Variants in FHIT observed in about 807,000 individuals in gnomAD.
The protein encoded by FHIT is bis(5'-adenosyl)-triphosphatase.
A neutral mutation model predicts 17.9 loss-of-function variants in FHIT; 19 were observed. The observed-to-expected ratio is 1.06, with a 90% confidence interval of 0.74 to 1.56. The LOEUF is 1.56. Ranked by LOEUF, FHIT falls within the 40% of genes most tolerant of loss-of-function variation. FHIT has a pLI of 0.00. For missense variants in FHIT, 248 were observed against 189.2 expected (o/e 1.31, Z -1.82); for synonymous variants, 81 against 69.7 (o/e 1.16, Z -0.81).
rs1224463209 is a variant in FHIT, at chr3:59,926,694, T to C, written c.280-4280A>G. Reference sequence around the variant, plus strand: ...AAAGCTTGAATTGTTTCAGTAAGGCTAGGAGAACAAAATTTAAAACCCCAT... The same window carrying C: ...AAAGCTTGAATTGTTTCAGTAAGGCCAGGAGAACAAAATTTAAAACCCCAT... On this transcript the variant is annotated intron_variant, in intron 7 of 9. Coordinates refer to ENST00000492590, the MANE Select transcript of FHIT (RefSeq NM_002012.4). Among the ~76,000 whole-genome samples the C allele has an allele frequency of 3.3e-5, 5 of 152,174 alleles. No homozygotes were observed. The South Asian group carries it at 8.3e-4, about 25-fold the overall frequency.
intron 5 of FHIT, among the ~76,000 whole-genome samples, chr3:60,182,417 C>A (rs955535408): frequency 6.6e-6 from 1 of 152,176 alleles, no homozygotes; most frequent in Non-Finnish European, 1.5e-5. Flanking sequence ...CAGACGCTCT[C>A]CTTCATATTA....
intron 2 of FHIT, among the ~76,000 whole-genome samples, chr3:61,056,988 G>C (rs192641044): frequency 5.3e-5 from 8 of 152,182 alleles, no homozygotes; most frequent in African/African-American, 1.7e-4. Context: ...TCTCAGAGTA[G>C]GGGTGGAGTA....
At chr3:60,931,893 G>A (rs1162459848) in intron 3 of FHIT, among the ~76,000 whole-genome samples, 15 of 152,186 alleles carry the variant, frequency 9.9e-5, no homozygotes, top group Non-Finnish European at 1.5e-4. Flanking sequence ...AACAGCATGT[G>A]TCCTAATTAT....
At chr3:60,650,376 C>T (rs533437512) in intron 4 of FHIT, among the ~76,000 whole-genome samples, 1 of 152,264 alleles carries the variant, frequency 6.6e-6, no homozygotes, top group African/African-American at 2.4e-5. Flanking sequence ...TCATTTTTCA[C>T]AAGAGAAAGC....
chr3:60,755,007 A>G (rs2042544747), intron 4 of FHIT, among the ~76,000 whole-genome samples: 1 of 152,226 alleles, frequency 6.6e-6, no homozygotes, highest in Non-Finnish European at 1.5e-5. Context: ...TGCATCCTTC[A>G]GCAATTTAAA....
chr3:59,821,613 C>T (rs1346346722), intron 8 of FHIT, among the ~76,000 whole-genome samples: 1 of 152,144 alleles, frequency 6.6e-6, no homozygotes, highest in Non-Finnish European at 1.5e-5. Context: ...GACTGGCTTA[C>T]CAGTGCAGCA....
At chr3:60,948,994 T>C (rs1468490810) in intron 3 of FHIT, among the ~76,000 whole-genome samples, 2 of 151,948 alleles carry the variant, frequency 1.3e-5, no homozygotes, top group African/African-American at 2.4e-5. Flanking sequence ...TTAACCTTAC[T>C]TTGCAACATT....
At chr3:60,652,599 G>C (rs1016038139) in intron 4 of FHIT, among the ~76,000 whole-genome samples, 1 of 152,078 alleles carries the variant, frequency 6.6e-6, no homozygotes, top group African/African-American at 2.4e-5. Context: ...TGTGGTGGCA[G>C]GCACCTGTAG....
chr3:60,118,028 T>C (rs1355230143), intron 5 of FHIT, among the ~76,000 whole-genome samples: 1 of 152,160 alleles, frequency 6.6e-6, no homozygotes, highest in Non-Finnish European at 1.5e-5. Context: ...AAGCGGTGAG[T>C]TTGAGACCAA....
At chr3:59,971,217 T>C (rs1440714776) in intron 7 of FHIT, among the ~76,000 whole-genome samples, 2 of 152,160 alleles carry the variant, frequency 1.3e-5, no homozygotes, top group Admixed American at 6.6e-5. Flanking sequence ...TATTTGAAAG[T>C]AGTCGGCTTT....
chr3:60,764,586 C>A (rs138740249), intron 4 of FHIT, among the ~76,000 whole-genome samples: 158 of 152,222 alleles, frequency 1.0e-3, no homozygotes, highest in African/African-American at 3.7e-3. Flanking sequence ...CCTTCTGTAA[C>A]TTTCTATTTA....
At chr3:60,137,729 A>C (rs1699874051) in intron 5 of FHIT, among the ~76,000 whole-genome samples, 1 of 143,306 alleles carries the variant, frequency 7.0e-6, no homozygotes, top group South Asian at 2.1e-4. Context: ...AGTCAGTATC[A>C]CTTCAGACAA....
intron 2 of FHIT, among the ~76,000 whole-genome samples, chr3:61,181,954 C>A (rs2038357729): frequency 6.6e-6 from 1 of 152,186 alleles, no homozygotes; most frequent in Admixed American, 6.6e-5. Flanking sequence ...CATACCAAGT[C>A]TGGTTTAAAT....
At chr3:61,232,501 T>G (rs2040131774) in intron 1 of FHIT, among the ~76,000 whole-genome samples, 1 of 152,178 alleles carries the variant, frequency 6.6e-6, no homozygotes, top group Admixed American at 6.6e-5. Context: ...CCACCACCCC[T>G]TGGAGGAGGA....
intron 5 of FHIT, among the ~76,000 whole-genome samples, chr3:60,516,170 G>A (rs758805958): frequency 2.0e-5 from 3 of 152,064 alleles, no homozygotes; most frequent in Admixed American, 6.6e-5. Context: ...GAATTTATGT[G>A]ACTATATTTG....
intron 5 of FHIT, among the ~76,000 whole-genome samples, chr3:60,368,520 T>A (rs1194375929): frequency 1.3e-5 from 2 of 152,084 alleles, no homozygotes; most frequent in Non-Finnish European, 2.9e-5. Context: ...TTATGAAGCA[T>A]TTTAGAAATA....
chr3:59,783,704 T>C (rs566695737), intron 8 of FHIT, among the ~76,000 whole-genome samples: 1 of 152,188 alleles, frequency 6.6e-6, no homozygotes, highest in South Asian at 2.1e-4. Flanking sequence ...ACCCACTTGA[T>C]GTGGTGAGCA....
chr3:60,107,632 G>C (rs1051849673), intron 5 of FHIT, among the ~76,000 whole-genome samples: 10 of 152,038 alleles, frequency 6.6e-5, no homozygotes, highest in Non-Finnish European at 1.0e-4. Context: ...AAGTTTGTTG[G>C]CTACTTCCAA....
intron 5 of FHIT, among the ~76,000 whole-genome samples, chr3:60,216,181 A>G (rs1397280755): frequency 6.6e-6 from 1 of 152,206 alleles, no homozygotes; most frequent in Non-Finnish European, 1.5e-5. Flanking sequence ...ACAAGACTGC[A>G]TACTACATTA....
Sources: allele counts gnomAD v4.1 joint callset (sites outside exome capture counted in the v4.1 genomes callset), GRCh38; gene constraint gnomAD v4.1.1; transcripts MANE v1.5; gene names NCBI Gene and HGNC (gene_info 2026-07-23, HGNC 2026-07-21).